Variants in LRRC8B observed in about 807,000 individuals in gnomAD.
LRRC8B encodes the protein volume-regulated anion channel subunit LRRC8B.
Under a neutral mutation model 58.8 loss-of-function variants are expected in LRRC8B, and 23 were observed. That is an observed-to-expected ratio of 0.39 (90% CI 0.28 to 0.55). The LOEUF (loss-of-function observed/expected upper bound fraction) is 0.55. Ranked by LOEUF, LRRC8B falls within the 20% of genes least tolerant of loss-of-function variation. The pLI, the probability that LRRC8B is intolerant of heterozygous loss-of-function variation, is 0.62. For synonymous variants in LRRC8B, 359 were observed against 374.1 expected, an observed-to-expected ratio of 0.96 and a Z score of 0.47; for missense variants, 694 against 936.0, an observed-to-expected ratio of 0.74 and a Z score of 3.37.
chr1:89,577,673 T>A (rs1653948366), intron 3 of LRRC8B, among the ~76,000 whole-genome samples: 1 of 152,184 alleles, frequency 6.6e-6, no homozygotes. Context: ...CTGAGATGTT[T>A]TATATATACT....
At chr1:89,586,487 A>G (rs1654633149) in intron 5 of LRRC8B, among the ~76,000 whole-genome samples, 1 of 152,192 alleles carries the variant, frequency 6.6e-6, no homozygotes, top group African/African-American at 2.4e-5. Flanking sequence ...GAGCTTATTC[A>G]ATTGTTAGCT....
At chr1:89,567,055 A>G (rs1653096285) in intron 1 of LRRC8B, among the ~76,000 whole-genome samples, 1 of 152,174 alleles carries the variant, frequency 6.6e-6, no homozygotes, top group Non-Finnish European at 1.5e-5. Flanking sequence ...GTTGTGTAAC[A>G]CTCATTAGCA....
intron 1 of LRRC8B, chr1:89,549,803 T>C (rs1372839491): frequency 6.6e-6 from 1 of 152,236 alleles, no homozygotes; most frequent in East Asian, 1.9e-4. Context: ...GAGTTATTTA[T>C]TTTAAATAAC....
At chr1:89,560,364 A>G (rs565085721) in intron 1 of LRRC8B, among the ~76,000 whole-genome samples, 1 of 151,642 alleles carries the variant, frequency 6.6e-6, no homozygotes, top group East Asian at 1.9e-4. Flanking sequence ...ATAAGGCTTT[A>G]ATATATCTAT....
chr1:89,554,822 C>G (rs550922338), intron 1 of LRRC8B, among the ~76,000 whole-genome samples: 1 of 152,192 alleles, frequency 6.6e-6, no homozygotes, highest in Non-Finnish European at 1.5e-5. Context: ...AAAAAAACTA[C>G]ACTTGTAGTT....
intron 4 of LRRC8B, 39 bp from the exon 5 acceptor site, chr1:89,582,586 A>G: frequency 8.6e-7 from 1 of 1,164,166 alleles, no homozygotes; most frequent in Non-Finnish European, 1.3e-6. Context: ...TTATTTGAGT[A>G]CTTGCTTCAG....
rs1459409586 is a variant in LRRC8B, at chr1:89,594,867, A to C, written c.*1824A>C. 1 of 152,144 alleles carries C rather than the reference A, an allele frequency of 6.6e-6. No homozygotes were observed. The highest frequency in any genetic ancestry group is 2.4e-5 in the African/African-American group (1 of 41,440). 9.4% of individuals were successfully genotyped at this position (152,144 alleles called of 1,614,324 possible). On this transcript the variant is annotated 3_prime_UTR_variant, in exon 6 of 6. Transcript: ENST00000330947. The stretch of plus-strand genomic sequence containing the variant: ...GAAATCTATTAACTGCACCTACACA[A>C]AACTGGAAAACACTATAGGTAAACA...
chr1:89,587,175 G>A (rs1246039821), intron 5 of LRRC8B, among the ~76,000 whole-genome samples: 6 of 152,162 alleles, frequency 3.9e-5, no homozygotes, highest in Admixed American at 2.0e-4. Context: ...AAGCTCTCCA[G>A]ACAGGGACTG....
At chr1:89,530,015 A>G (rs1649993406) in intron 1 of LRRC8B, among the ~76,000 whole-genome samples, 1 of 152,118 alleles carries the variant, frequency 6.6e-6, no homozygotes, top group Admixed American at 6.5e-5. Flanking sequence ...TCACTCACTC[A>G]CTGCAAACAG....
In LRRC8B at chr1:89,592,917, A is replaced by T. The variant is rs755979939; in HGVS notation, c.2286A>T (p.Thr762=). The change falls in exon 6 of 6, where the codon ACA becomes ACT. Residue 762 remains threonine (T), a synonymous_variant. Coordinates refer to ENST00000330947, the MANE Select transcript of LRRC8B (RefSeq NM_001369817.2). ...HLELIGNYLE[T]LPPELEGCQS... is the part of the protein sequence containing the mutation. ...AGCTCATTGGTAATTACCTGGAAAC[A>T]CTTCCTCCTGAACTAGAAGGATGTC... 8.7e-6 allele frequency: 14 copies of T among 1,613,998 alleles called. No homozygotes were observed. In the African/African-American group the frequency reaches 1.5e-4, roughly 17 times the overall value.
chr1:89,560,400 TA>T (rs1158518109), intron 1 of LRRC8B, among the ~76,000 whole-genome samples: 7 of 151,408 alleles, frequency 4.6e-5, no homozygotes, highest in Non-Finnish European at 7.4e-5. Context: ...TTTTTTTTTT[TA>T]ATACTTTAAG....
At chr1:89,526,576 A>G (rs1055695721) in intron 1 of LRRC8B, among the ~76,000 whole-genome samples, 1 of 152,154 alleles carries the variant, frequency 6.6e-6, no homozygotes, top group Non-Finnish European at 1.5e-5. Context: ...AGCTCTACTC[A>G]GAGAATATAA....
chr1:89,581,590 A>C (rs963848073), intron 4 of LRRC8B, among the ~76,000 whole-genome samples: 5 of 152,256 alleles, frequency 3.3e-5, no homozygotes, highest in Non-Finnish European at 7.3e-5. Context: ...AAGACTCAAC[A>C]TAGAAATTCT....
At chr1:89,543,910 C>T (rs963352579) in intron 1 of LRRC8B, among the ~76,000 whole-genome samples, 1 of 152,116 alleles carries the variant, frequency 6.6e-6, no homozygotes, top group African/African-American at 2.4e-5. Flanking sequence ...GCCTCAGCTT[C>T]CTGAGTAGCT....
intron 1 of LRRC8B, among the ~76,000 whole-genome samples, chr1:89,544,336 A>G (rs950445107): frequency 1.3e-5 from 2 of 152,094 alleles, no homozygotes; most frequent in Non-Finnish European, 2.9e-5. Context: ...TTCCCTAATG[A>G]GATTCTGGTT....
In LRRC8B at chr1:89,574,333, G is replaced by T. The variant is rs148544420; in HGVS notation, c.-124-5258G>T. Among the ~76,000 whole-genome samples, 8 of 152,352 alleles carry T rather than the reference G, an allele frequency of 5.3e-5. 1 individual carries two copies. In the East Asian group the frequency reaches 9.6e-4, roughly 18 times the overall value. Reference sequence around the variant, plus strand: ...TCAAAACAAAAATTGGTACCTAGAAGTGAGATGCTGGCATAACAAAAATCT... The same window carrying T: ...TCAAAACAAAAATTGGTACCTAGAATTGAGATGCTGGCATAACAAAAATCT... On this transcript the variant is annotated intron_variant, in intron 3 of 5. Coordinates refer to ENST00000330947, the MANE Select transcript of LRRC8B (RefSeq NM_001369817.2).
intron 5 of LRRC8B, among the ~76,000 whole-genome samples, chr1:89,590,689 A>C (rs1281367355): frequency 6.6e-6 from 1 of 152,228 alleles, no homozygotes; most frequent in Non-Finnish European, 1.5e-5. Context: ...CAGGGTAATC[A>C]CCCAGTAGGA....
chr1:89,529,660 A>G (rs911672015), intron 1 of LRRC8B, among the ~76,000 whole-genome samples: 1 of 152,192 alleles, frequency 6.6e-6, no homozygotes, highest in Non-Finnish European at 1.5e-5. Context: ...TATTTTTTAG[A>G]AAGTTATAAA....
At chr1:89,589,964 A>G (rs565919179) in intron 5 of LRRC8B, among the ~76,000 whole-genome samples, 4 of 152,034 alleles carry the variant, frequency 2.6e-5, no homozygotes, top group African/African-American at 9.6e-5. Flanking sequence ...TAGAGAGATA[A>G]TATAGCCATT....
Sources: gnomAD v4.1 joint callset for allele counts (sites outside exome capture counted in the v4.1 genomes callset) on GRCh38, gnomAD v4.1.1 for gene constraint, MANE v1.5 for transcripts, NCBI Gene and HGNC (gene_info 2026-07-23, HGNC 2026-07-21) for gene names.